The following KCNIP3 variants were observed in gnomAD, a reference collection of about 807,000 sequenced individuals.
The protein encoded by KCNIP3 is calsenilin.
In KCNIP3, 28 loss-of-function variants were observed where a neutral mutation model predicts 35.0. That is an observed-to-expected ratio of 0.80 (90% CI 0.59 to 1.10). The LOEUF (loss-of-function observed/expected upper bound fraction) is 1.10. KCNIP3 is among the 50% of genes least tolerant of loss of function. The pLI, the probability that KCNIP3 is intolerant of heterozygous loss-of-function variation, is 0.00. For synonymous variants in KCNIP3, 134 were observed against 133.8 expected, an observed-to-expected ratio of 1.00 and a Z score of -0.01; for missense variants, 295 against 338.4, an observed-to-expected ratio of 0.87 and a Z score of 1.01.
intron 2 of KCNIP3, among the ~76,000 whole-genome samples, chr2:95,314,694 C>T (rs554318014): frequency 1.3e-4 from 20 of 152,356 alleles, no homozygotes; most frequent in African/African-American, 4.3e-4. Flanking sequence ...CATGGCCAGG[C>T]GGCCGTCCCA....
At chr2:95,373,516 C>T (rs1293920688) in intron 2 of KCNIP3, among the ~76,000 whole-genome samples, 3 of 150,182 alleles carry the variant, frequency 2.0e-5, no homozygotes, top group Admixed American at 6.7e-5. Flanking sequence ...TCCGCCTCCC[C>T]GGTTCACACC....
intron 2 of KCNIP3, among the ~76,000 whole-genome samples, chr2:95,347,777 GC>G (rs963233594): frequency 4.6e-5 from 7 of 152,214 alleles, no homozygotes; most frequent in African/African-American, 1.7e-4. Context: ...GTTCAAAGAG[GC>G]CCTGCACCTC....
At position 95,385,430 on chromosome 2, in the gene KCNIP3, A is replaced by G. The variant is rs1374855051; in HGVS notation, c.*1381A>G. ...GGCTGTGGCTGGGTGGTCAGCAGAA[A>G]CCCCCAGGAGGAGAGAGATGCTGCT... is the stretch of plus-strand genomic sequence containing the variant. On this transcript the variant is annotated 3_prime_UTR_variant, in exon 9 of 9. Coordinates refer to ENST00000295225, the MANE Select transcript of KCNIP3 (RefSeq NM_013434.5). The G allele has an allele frequency of 7.9e-5, 12 of 152,834 alleles. No homozygotes were observed. The East Asian group carries it at 2.3e-3, about 30-fold the overall frequency. The allele number at this position is 152,834 out of a possible 1,614,324, so 9.5% of individuals were successfully genotyped here. A position where few individuals can be genotyped will look rare whatever the true frequency, so the allele number is the denominator to read the frequency against.
chr2:95,383,123 ATCC>A, intron 7 of KCNIP3, 106 bp from the exon 8 acceptor site: 40 of 238,778 alleles, frequency 1.7e-4, no homozygotes, highest in East Asian at 5.8e-4. Context: ...CCACCCGCCC[ATCC>A]ACCCACCCGC....
chr2:95,326,466 C>T (rs374679564), intron 2 of KCNIP3, among the ~76,000 whole-genome samples: 1 of 152,214 alleles, frequency 6.6e-6, no homozygotes, highest in East Asian at 1.9e-4. Flanking sequence ...GGGAGGGCAG[C>T]GGCTCCCAAA....
intron 5 of KCNIP3, among the ~76,000 whole-genome samples, chr2:95,375,889 G>A (rs1473360829): frequency 1.3e-5 from 2 of 152,194 alleles, no homozygotes; most frequent in East Asian, 1.9e-4. Context: ...TCTGAGAGCC[G>A]GCTTGATCGA....
chr2:95,338,444 C>A (rs1679114185), intron 2 of KCNIP3, among the ~76,000 whole-genome samples: 1 of 152,154 alleles, frequency 6.6e-6, no homozygotes, highest in Non-Finnish European at 1.5e-5. Flanking sequence ...ATAAGCCCAT[C>A]CCAGAAATGA....
intron 1 of KCNIP3, among the ~76,000 whole-genome samples, chr2:95,305,641 CT>C (rs1678147777): frequency 6.6e-6 from 1 of 152,214 alleles, no homozygotes; most frequent in South Asian, 2.1e-4. Context: ...AGCCACACCC[CT>C]CTCCCTCCTG....
intron 2 of KCNIP3, among the ~76,000 whole-genome samples, chr2:95,355,719 C>G (rs1286365090): frequency 1.3e-5 from 2 of 152,164 alleles, no homozygotes; most frequent in South Asian, 2.1e-4. Flanking sequence ...TGTATATGTG[C>G]CACATTTTCT....
chr2:95,328,728 G>A (rs533082038), intron 2 of KCNIP3, among the ~76,000 whole-genome samples: 29 of 152,258 alleles, frequency 1.9e-4, no homozygotes, highest in African/African-American at 2.2e-4. Flanking sequence ...CTAACTGACC[G>A]CCAGGGAGCC....
intron 2 of KCNIP3, among the ~76,000 whole-genome samples, chr2:95,358,278 G>T (rs1679707106): frequency 6.6e-6 from 1 of 152,222 alleles, no homozygotes; most frequent in Non-Finnish European, 1.5e-5. Flanking sequence ...CTCTTGCCCA[G>T]TACCTGGTGC....
At chr2:95,372,785 G>A (rs2104297858) in intron 2 of KCNIP3, among the ~76,000 whole-genome samples, 1 of 152,334 alleles carries the variant, frequency 6.6e-6, no homozygotes, top group South Asian at 2.1e-4. Context: ...GTAAGGATGG[G>A]AGAGGAGATA....
At chr2:95,307,356 C>T (rs1166599091) in intron 1 of KCNIP3, among the ~76,000 whole-genome samples, 1 of 152,226 alleles carries the variant, frequency 6.6e-6, no homozygotes, top group Non-Finnish European at 1.5e-5. Context: ...GGGACCCAGG[C>T]CGAGAAACAG....
At chr2:95,360,056 T>A (rs565685200) in intron 2 of KCNIP3, among the ~76,000 whole-genome samples, 33 of 152,340 alleles carry the variant, frequency 2.2e-4, no homozygotes, top group Non-Finnish European at 4.0e-4. Flanking sequence ...TTCATTTTAC[T>A]ATATGATATT....
chr2:95,374,759 G>A, intron 3 of KCNIP3, 89 bp from the exon 4 acceptor site: 5 of 1,458,134 alleles, frequency 3.4e-6, no homozygotes, highest in East Asian at 2.3e-5. Flanking sequence ...AGCCCCCAAG[G>A]GGGTGGAGAG....
Position 95,300,794 on chromosome 2 carries a change from G to A in KCNIP3, c.15+3341G>A, listed in dbSNP as rs553071014. 2.0e-5 allele frequency among the ~76,000 whole-genome samples: 3 copies of A among 152,342 alleles called. No homozygotes were observed. The South Asian group carries it at 6.2e-4, about 32-fold the overall frequency. ...AGCTGAGACGGGAGGGCAGCGTGGG[G>A]GTGGCGTGTCCCACACTAGAGTCGG... On this transcript the variant is annotated intron_variant, in intron 1 of 8. Transcript: ENST00000295225.
chr2:95,337,971 T>G (rs1011386750), intron 2 of KCNIP3, among the ~76,000 whole-genome samples: 2 of 151,878 alleles, frequency 1.3e-5, no homozygotes, highest in Admixed American at 6.6e-5. Flanking sequence ...CTGGAGGTGG[T>G]GGGGGAAGCA....
intron 2 of KCNIP3, among the ~76,000 whole-genome samples, chr2:95,373,202 G>A (rs1680080114): frequency 6.6e-6 from 1 of 152,184 alleles, no homozygotes; most frequent in South Asian, 2.1e-4. Context: ...GTGGGAAGGT[G>A]GCGCTCTGTA....
At chr2:95,310,706 G>A in intron 2 of KCNIP3, 186 bp downstream of exon 2, 1 of 653,226 alleles carries the variant, frequency 1.5e-6, no homozygotes, top group Non-Finnish European at 2.7e-6. Context: ...GCTTCACACA[G>A]GCCACTGAGC....
Sources: allele counts gnomAD v4.1 joint callset (sites outside exome capture counted in the v4.1 genomes callset), GRCh38; gene constraint gnomAD v4.1.1; transcripts MANE v1.5; gene names NCBI Gene and HGNC (gene_info 2026-07-23, HGNC 2026-07-21).